The following AGBL1 variants were observed in gnomAD, a reference collection of about 807,000 sequenced individuals.
AGBL1 encodes AGBL carboxypeptidase 1.
A neutral mutation model predicts 118.9 loss-of-function variants in AGBL1; 130 were observed. The observed-to-expected ratio is 1.09, with a 90% CI of 0.95 to 1.26. The LOEUF (loss-of-function observed/expected upper bound fraction) is 1.26. Among genes scored for constraint, AGBL1 ranks in the 50% most tolerant of loss-of-function variants. The pLI, the probability that AGBL1 is intolerant of heterozygous loss-of-function variation, is 0.00. For missense variants in AGBL1, 1,584 were observed against 1,298.1 expected (o/e 1.22, Z -3.38); for synonymous variants, 555 against 478.9 (o/e 1.16, Z -2.08).
intron 21 of AGBL1, among the ~76,000 whole-genome samples, chr15:86,626,836 C>CTTTT (rs11318598): frequency 8.5e-6 from 1 of 117,818 alleles, no homozygotes; most frequent in African/African-American, 3.2e-5. Context: ...ATATACTTTT[C>CTTTT]TTTTTTTTTT....
chr15:86,838,980 C>T (rs991431148), intron 22 of AGBL1, among the ~76,000 whole-genome samples: 11 of 135,948 alleles, frequency 8.1e-5, no homozygotes, highest in Non-Finnish European at 1.1e-4. Flanking sequence ...AGAAATGTAG[C>T]AGCAGAGGAG....
chr15:86,701,818 C>CCTCTCCTCCTTTCCACTCCCCAT (rs1247757343), intron 22 of AGBL1, among the ~76,000 whole-genome samples: 5 of 149,374 alleles, frequency 3.3e-5, no homozygotes, highest in Non-Finnish European at 3.0e-5. Context: ...CTCTTCCCCA[C>CCTCTCCTCCTTTCCACTCCCCAT]CTCTCCTCCT....
chr15:86,927,934 G>GTATA (rs1390597301), intron 23 of AGBL1, among the ~76,000 whole-genome samples: 2 of 80,130 alleles, frequency 2.5e-5, no homozygotes, highest in Non-Finnish European at 3.0e-5. Context: ...TTTTATATAT[G>GTATA]CATATATATA....
At chr15:86,747,599 G>C (rs953263075) in intron 22 of AGBL1, among the ~76,000 whole-genome samples, 11 of 151,982 alleles carry the variant, frequency 7.2e-5, no homozygotes, top group African/African-American at 2.4e-4. Flanking sequence ...ATTTACATTG[G>C]GTGTATCTCC....
intron 21 of AGBL1, among the ~76,000 whole-genome samples, chr15:86,665,825 G>A (rs1469158671): frequency 1.3e-5 from 2 of 151,592 alleles, no homozygotes; most frequent in African/African-American, 2.4e-5. Context: ...CTGCTTTTGA[G>A]TTTTTATCTT....
chr15:86,903,347 T>A (rs1023850434), intron 22 of AGBL1, among the ~76,000 whole-genome samples: 1 of 152,162 alleles, frequency 6.6e-6, no homozygotes, highest in Non-Finnish European at 1.5e-5. Flanking sequence ...CCAGTTTCCA[T>A]TTATTCTTCT....
chr15:86,118,213 G>A (rs1897877634), intron 1 of AGBL1, among the ~76,000 whole-genome samples: 1 of 152,182 alleles, frequency 6.6e-6, no homozygotes, highest in Admixed American at 6.5e-5. Context: ...CTCATTTGAG[G>A]TGCTGGGGAG....
chr15:86,707,586 T>G (rs987326358), intron 22 of AGBL1, among the ~76,000 whole-genome samples: 4 of 152,056 alleles, frequency 2.6e-5, no homozygotes, highest in African/African-American at 4.8e-5. Flanking sequence ...TTCCCATAAT[T>G]TGGAAAAAAG....
intron 17 of AGBL1, among the ~76,000 whole-genome samples, chr15:86,384,290 C>G (rs2081152296): frequency 6.6e-6 from 1 of 152,086 alleles, no homozygotes; most frequent in African/African-American, 2.4e-5. Context: ...CCAGGGAGAT[C>G]TAGGGGCAAA....
chr15:86,998,073 T>C (rs979154484), intron 24 of AGBL1, among the ~76,000 whole-genome samples: 1 of 152,120 alleles, frequency 6.6e-6, no homozygotes, highest in Admixed American at 6.6e-5. Context: ...ACACATAGGA[T>C]TGGGGATTGT....
At chr15:86,157,443 T>A (rs2077207700) in intron 4 of AGBL1, among the ~76,000 whole-genome samples, 1 of 152,152 alleles carries the variant, frequency 6.6e-6, no homozygotes, top group African/African-American at 2.4e-5. Context: ...CTGAAAAACT[T>A]GCCTTCCTTA....
intron 19 of AGBL1, among the ~76,000 whole-genome samples, chr15:86,523,765 C>T (rs2142203005): frequency 6.6e-6 from 1 of 152,120 alleles, no homozygotes; most frequent in Non-Finnish European, 1.5e-5. Flanking sequence ...GGCTGTTTTC[C>T]CAAGCCTCTA....
chr15:86,906,752 G>T (rs1479292760), intron 22 of AGBL1, among the ~76,000 whole-genome samples: 2 of 152,066 alleles, frequency 1.3e-5, no homozygotes, highest in Non-Finnish European at 2.9e-5. Flanking sequence ...ATTGGAAATA[G>T]GGCTAAGAAA....
chr15:86,674,276 C>G lies in AGBL1; in HGVS notation c.2998C>G (p.Leu1000Val), dbSNP rs747632024. 9 of 1,609,524 alleles carry G rather than the reference C, an allele frequency of 5.6e-6. No homozygotes were observed. The highest frequency in any genetic ancestry group is 1.7e-5 in the Admixed American group (1 of 59,520). ...CGCNQGPYQGLQFGTRELEEM... is the reference protein window; with the variant it reads ...CGCNQGPYQGVQFGTRELEEM... Reference sequence around the variant, plus strand: ...TAATGCTTTGTTTAACTGGCAGGGTCTACAGTTTGGTACCAGAGAACTGGA... The same window carrying G: ...TAATGCTTTGTTTAACTGGCAGGGTGTACAGTTTGGTACCAGAGAACTGGA... Residue 1000 changes from leucine to valine, a missense_variant, in exon 22 of 23, where the codon CTA becomes GTA. Coordinates refer to ENST00000614907, the MANE Select transcript of AGBL1 (RefSeq NM_001386094.1).
intron 15 of AGBL1, among the ~76,000 whole-genome samples, chr15:86,277,289 A>T (rs199512766): frequency 1.5e-4 from 23 of 148,738 alleles, no homozygotes; most frequent in East Asian, 4.0e-4. Context: ...AGAGAGAGAG[A>T]GTGTGTGTGT....
chr15:86,720,055 A>G (rs150517923), intron 22 of AGBL1, among the ~76,000 whole-genome samples: 29 of 152,296 alleles, frequency 1.9e-4, no homozygotes, highest in African/African-American at 6.7e-4. Context: ...TTTCTATCTT[A>G]AGTGATCAAC....
chr15:86,080,729 C>G (rs1895212771), intron 1 of AGBL1, among the ~76,000 whole-genome samples: 1 of 152,202 alleles, frequency 6.6e-6, no homozygotes, highest in African/African-American at 2.4e-5. Flanking sequence ...ATGGATTTAA[C>G]TGATCTAGGG....
chr15:86,608,126 T>A (rs1239955760), intron 21 of AGBL1, among the ~76,000 whole-genome samples: 23 of 152,224 alleles, frequency 1.5e-4, no homozygotes, highest in Non-Finnish European at 5.9e-5. Context: ...ACCAGTATTT[T>A]ATAATCCTGC....
At chr15:86,995,015 A>G (rs1242529724) in intron 24 of AGBL1, among the ~76,000 whole-genome samples, 1 of 152,144 alleles carries the variant, frequency 6.6e-6, no homozygotes, top group Non-Finnish European at 1.5e-5. Context: ...GCCAGGCACT[A>G]TGATGGAGAC....
Sources: gnomAD v4.1 joint callset for allele counts (sites outside exome capture counted in the v4.1 genomes callset) on GRCh38, gnomAD v4.1.1 for gene constraint, MANE v1.5 for transcripts, NCBI Gene and HGNC (gene_info 2026-07-23, HGNC 2026-07-21) for gene names.